The following CDK19 variants were observed in gnomAD, a reference collection of about 807,000 sequenced individuals.
The protein encoded by CDK19 is cyclin dependent kinase 19.
In CDK19, 20 loss-of-function variants were observed where a neutral mutation model predicts 68.3. The observed-to-expected ratio is 0.29, with a 90% CI of 0.21 to 0.43. The LOEUF (loss-of-function observed/expected upper bound fraction) is 0.43. Among genes scored for constraint, CDK19 ranks in the 20% least tolerant of loss-of-function variants. The probability of loss-of-function intolerance (pLI) is 1.00; values close to 1 mark genes in which losing one functional copy is unlikely to be tolerated. For missense variants in CDK19, 339 were observed against 623.5 expected (o/e 0.54, Z 4.86); for synonymous variants, 221 against 222.8 (o/e 0.99, Z 0.07).
chr6:110,773,208 G>A (rs942529299), intron 1 of CDK19, among the ~76,000 whole-genome samples: 6 of 152,112 alleles, frequency 3.9e-5, no homozygotes, highest in African/African-American at 1.2e-4. Flanking sequence ...AGCTGGGCGT[G>A]ATGGTGCGTG....
intron 6 of CDK19, among the ~76,000 whole-genome samples, chr6:110,629,708 A>G (rs760169158): frequency 9.9e-5 from 15 of 152,222 alleles, no homozygotes; most frequent in East Asian, 1.9e-4. Context: ...GAAAAAGTGA[A>G]TAAGTATGTA....
At chr6:110,754,285 C>T (rs1778683501) in intron 1 of CDK19, among the ~76,000 whole-genome samples, 1 of 152,032 alleles carries the variant, frequency 6.6e-6, no homozygotes, top group Non-Finnish European at 1.5e-5. Flanking sequence ...CTCCCATCTC[C>T]ACCTCACAAA....
chr6:110,692,360 A>C (rs932892372), intron 2 of CDK19, among the ~76,000 whole-genome samples: 2 of 152,114 alleles, frequency 1.3e-5, no homozygotes, highest in East Asian at 3.9e-4. Context: ...GAAAGTTTTA[A>C]CAATAGACTA....
chr6:110,675,113 T>G (rs938168488), intron 2 of CDK19, among the ~76,000 whole-genome samples: 3 of 152,132 alleles, frequency 2.0e-5, no homozygotes, highest in Admixed American at 6.5e-5. Flanking sequence ...AGATCATTGA[T>G]GAAGATGGCT....
chr6:110,662,263 C>T (rs996272503), intron 4 of CDK19, among the ~76,000 whole-genome samples: 24 of 152,300 alleles, frequency 1.6e-4, no homozygotes, highest in African/African-American at 5.1e-4. Flanking sequence ...AGCCACCACA[C>T]CTGGCCTCCA....
chr6:110,634,390 G>T (rs561159357), intron 5 of CDK19, among the ~76,000 whole-genome samples: 7 of 152,188 alleles, frequency 4.6e-5, no homozygotes, highest in South Asian at 2.1e-4. Flanking sequence ...GCTAATTTTT[G>T]TATTTTTAGT....
intron 2 of CDK19, among the ~76,000 whole-genome samples, chr6:110,676,720 C>T (rs2817771): frequency 0.012 from 1,889 of 152,234 alleles, 29 homozygotes; most frequent in African/African-American, 0.043. Flanking sequence ...AAGATATATA[C>T]ATTTTTATAC....
intron 4 of CDK19, among the ~76,000 whole-genome samples, chr6:110,650,047 A>C (rs1236901924): frequency 1.3e-5 from 2 of 151,624 alleles, no homozygotes; most frequent in Non-Finnish European, 2.9e-5. Context: ...TTAAAACAGC[A>C]ATAAAAAAAT....
chr6:110,814,444 G>A (rs886765217), intron 1 of CDK19: 4 of 359,558 alleles, frequency 1.1e-5, no homozygotes, highest in African/African-American at 6.8e-5. Flanking sequence ...AGAAGCCAAC[G>A]GGCCGGCCAG....
intron 4 of CDK19, among the ~76,000 whole-genome samples, chr6:110,655,375 AAAAT>A (rs1781245045): frequency 6.6e-6 from 1 of 151,854 alleles, no homozygotes; most frequent in Non-Finnish European, 1.5e-5. Context: ...CAAAAAAAAA[AAAAT>A]AAATAAAAAT....
At chr6:110,691,893 G>A (rs901454402) in intron 2 of CDK19, among the ~76,000 whole-genome samples, 5 of 150,294 alleles carry the variant, frequency 3.3e-5, no homozygotes, top group African/African-American at 1.2e-4. Context: ...TGATCCACCC[G>A]CCTCGGCCTC....
intron 6 of CDK19, among the ~76,000 whole-genome samples, chr6:110,628,981 T>C (rs934398374): frequency 1.3e-5 from 2 of 152,184 alleles, no homozygotes; most frequent in African/African-American, 4.8e-5. Flanking sequence ...CTGCTCAGCA[T>C]CCATTTCTGA....
At chr6:110,763,187 A>G (rs1245574513) in intron 1 of CDK19, among the ~76,000 whole-genome samples, 2 of 152,208 alleles carry the variant, frequency 1.3e-5, no homozygotes, top group Non-Finnish European at 2.9e-5. Flanking sequence ...TTTTATGACC[A>G]TCCATTTAAT....
chr6:110,745,024 G>A (rs894672612), intron 2 of CDK19, among the ~76,000 whole-genome samples: 6 of 152,154 alleles, frequency 3.9e-5, no homozygotes, highest in Non-Finnish European at 8.8e-5. Flanking sequence ...CAATTATTAA[G>A]TAACAATTAT....
chr6:110,640,800 A>T (rs973841560), intron 4 of CDK19, among the ~76,000 whole-genome samples: 9 of 151,900 alleles, frequency 5.9e-5, no homozygotes, highest in Non-Finnish European at 8.8e-5. Context: ...AACATAAATT[A>T]AAAAAAATTA....
At chr6:110,681,239 G>A (rs189226142) in intron 2 of CDK19, among the ~76,000 whole-genome samples, 8 of 151,000 alleles carry the variant, frequency 5.3e-5, no homozygotes, top group Non-Finnish European at 8.9e-5. Flanking sequence ...CCAGCTACTC[G>A]AGAGACTAAG....
intron 1 of CDK19, among the ~76,000 whole-genome samples, chr6:110,779,323 T>C (rs771089407): frequency 1.3e-5 from 2 of 152,084 alleles, no homozygotes; most frequent in African/African-American, 2.4e-5. Flanking sequence ...TCTCAGCTCC[T>C]CCAAAAAGCT....
chr6:110,742,557 C>T (rs750110490), intron 2 of CDK19, among the ~76,000 whole-genome samples: 16 of 152,132 alleles, frequency 1.1e-4, no homozygotes, highest in African/African-American at 1.4e-4. Context: ...AGCCTATAAA[C>T]GGACGTGCAA....
chr6:110,692,791 G>C (rs1171373823), intron 2 of CDK19, among the ~76,000 whole-genome samples: 3 of 152,172 alleles, frequency 2.0e-5, no homozygotes, highest in Non-Finnish European at 2.9e-5. Flanking sequence ...GAGGTCAAGA[G>C]TTTGAGACCA....
Sources: allele counts gnomAD v4.1 joint callset (sites outside exome capture counted in the v4.1 genomes callset), GRCh38; gene constraint gnomAD v4.1.1; transcripts MANE v1.5; gene names NCBI Gene and HGNC (gene_info 2026-07-23, HGNC 2026-07-21).